Variants in AUTS2 observed in about 807,000 individuals in gnomAD.
AUTS2 encodes the protein autism susceptibility gene 2 protein.
Under a neutral mutation model 112.4 loss-of-function variants are expected in AUTS2, and 17 were observed. The ratio of observed to expected loss-of-function variants is 0.15; its 90% CI spans 0.10 to 0.23. The LOEUF is 0.23. Among genes scored for constraint, AUTS2 ranks in the 10% least tolerant of loss-of-function variants. The pLI is 1.00. For synonymous variants in AUTS2, 751 were observed against 702.7 expected, an observed-to-expected ratio of 1.07 and a Z score of -1.09; for missense variants, 1,510 against 1,701.6, an observed-to-expected ratio of 0.89 and a Z score of 1.98.
intron 1 of AUTS2, among the ~76,000 whole-genome samples, chr7:69,683,510 T>C (rs1371747048): frequency 6.6e-6 from 1 of 152,106 alleles, no homozygotes; most frequent in African/African-American, 2.4e-5. Context: ...TCTTAATAAC[T>C]CCTGTAATAC....
At chr7:69,770,483 T>G (rs1199562671) in intron 1 of AUTS2, among the ~76,000 whole-genome samples, 1 of 151,822 alleles carries the variant, frequency 6.6e-6, no homozygotes, top group Non-Finnish European at 1.5e-5. Flanking sequence ...ACCTGAGATG[T>G]GTTTTGAGGT....
intron 4 of AUTS2, among the ~76,000 whole-genome samples, chr7:70,186,613 G>T (rs562526344): frequency 1.3e-5 from 2 of 152,076 alleles, no homozygotes; most frequent in South Asian, 4.2e-4. Context: ...TCTGTCACCC[G>T]GGCTGGAGTG....
intron 6 of AUTS2, among the ~76,000 whole-genome samples, chr7:70,725,240 G>A (rs927460789): frequency 1.3e-5 from 2 of 152,230 alleles, no homozygotes; most frequent in South Asian, 2.1e-4. Flanking sequence ...GGTAAATGTC[G>A]GAAGTGAGTG....
At chr7:69,664,837 G>C (rs931978406) in intron 1 of AUTS2, among the ~76,000 whole-genome samples, 1 of 152,188 alleles carries the variant, frequency 6.6e-6, no homozygotes, top group African/African-American at 2.4e-5. Flanking sequence ...AGTAGTGTTG[G>C]TGTACCGTGT....
rs867928738 is a variant in AUTS2 at position 70,688,740 on chromosome 7, C to T, written c.691-9829C>T. On this transcript the variant is annotated intron_variant, in intron 5 of 18. Coordinates refer to ENST00000342771, the MANE Select transcript of AUTS2 (RefSeq NM_015570.4). ...TCAGGAGGCTGCTGCAAGATGACCC[C>T]GTGAGCCTAGTAGTTGGAGGCTGCA... 3.3e-5 allele frequency among the ~76,000 whole-genome samples: 5 copies of T among 152,258 alleles called. No homozygotes were observed. In the Middle Eastern group the frequency reaches 0.014, roughly 414 times the overall value.
chr7:70,691,777 G>C (rs1484496030), intron 5 of AUTS2, among the ~76,000 whole-genome samples: 1 of 152,030 alleles, frequency 6.6e-6, no homozygotes, highest in Non-Finnish European at 1.5e-5. Context: ...GGCGTTCCCA[G>C]GTTCCTCTTG....
intron 5 of AUTS2, among the ~76,000 whole-genome samples, chr7:70,646,806 G>A (rs964685804): frequency 1.3e-5 from 2 of 152,348 alleles, no homozygotes; most frequent in African/African-American, 4.8e-5. Context: ...AGGGCAGCAG[G>A]GCTGGCCCAG....
rs143155401 is a variant in AUTS2, at chr7:69,646,655, A to G, written c.309+46693A>G. On this transcript the variant is annotated intron_variant, in intron 1 of 18. Transcript: ENST00000342771. Reference sequence around the variant, plus strand: ...ACCAATGTGGGTAATTTTAGAGACAATTTCCTTAAAACTTAGTTGGACTGC... The same window carrying G: ...ACCAATGTGGGTAATTTTAGAGACAGTTTCCTTAAAACTTAGTTGGACTGC... 4.7e-4 allele frequency among the ~76,000 whole-genome samples: 71 copies of G among 152,274 alleles called. No individual in the cohort carries two copies. The East Asian group carries it at 0.012, about 25-fold the overall frequency.
intron 4 of AUTS2, among the ~76,000 whole-genome samples, chr7:70,411,019 A>G (rs1224774262): frequency 4.0e-5 from 6 of 151,840 alleles, no homozygotes; most frequent in Non-Finnish European, 7.4e-5. Context: ...ACCCACCACC[A>G]TGCCTGGCTA....
At chr7:69,741,663 C>A (rs891627022) in intron 1 of AUTS2, among the ~76,000 whole-genome samples, 18 of 151,510 alleles carry the variant, frequency 1.2e-4, no homozygotes, top group Non-Finnish European at 5.9e-5. Flanking sequence ...CATGATGGCA[C>A]CACTGTACTC....
intron 5 of AUTS2, among the ~76,000 whole-genome samples, chr7:70,593,373 C>T (rs1164150001): frequency 2.0e-5 from 3 of 152,054 alleles, no homozygotes; most frequent in Non-Finnish European, 4.4e-5. Context: ...ATTTTAAAAT[C>T]AAGGAGCTGT....
At chr7:70,052,104 A>G (rs1472052190) in intron 2 of AUTS2, among the ~76,000 whole-genome samples, 1 of 152,232 alleles carries the variant, frequency 6.6e-6, no homozygotes, top group Non-Finnish European at 1.5e-5. Flanking sequence ...AATGATGAGT[A>G]TTGTGCAGTG....
intron 6 of AUTS2, among the ~76,000 whole-genome samples, chr7:70,736,052 A>G (rs201902776): frequency 7.3e-6 from 1 of 137,084 alleles, no homozygotes; most frequent in African/African-American, 2.8e-5. Flanking sequence ...GTGTGTGTGT[A>G]TAACTATAAC....
chr7:69,627,483 C>T (rs774251508), intron 1 of AUTS2, among the ~76,000 whole-genome samples: 2 of 151,622 alleles, frequency 1.3e-5, no homozygotes, highest in African/African-American at 2.4e-5. Context: ...AAGAGTGAAA[C>T]GCCGTCTCAA....
chr7:70,102,379 A>G (rs1033073432), intron 2 of AUTS2, among the ~76,000 whole-genome samples: 3 of 151,756 alleles, frequency 2.0e-5, no homozygotes, highest in Non-Finnish European at 4.4e-5. Flanking sequence ...CAGCCTCCCA[A>G]AGAGCTGGGA....
chr7:70,011,364 C>CCTCTCCTCTCCTCTT, intron 2 of AUTS2, among the ~76,000 whole-genome samples: 1 of 145,356 alleles, frequency 6.9e-6, no homozygotes, highest in Admixed American at 6.9e-5. Context: ...CCTCTCCTCT[C>CCTCTCCTCTCCTCTT]CCTCATTTTT....
In AUTS2 at chr7:70,529,329, C is replaced by A. The variant is rs376411988; in HGVS notation, c.690+93548C>A. On this transcript the variant is annotated intron_variant, in intron 5 of 18. Transcript: ENST00000342771. ...CCTACAAAGCCCCTTCATAAATAAT[C>A]TTTGCAAAGCAATCATGTGAGCTAG... 1.4e-4 allele frequency among the ~76,000 whole-genome samples: 21 copies of A among 152,194 alleles called. No homozygotes were observed. In the East Asian group the frequency reaches 2.5e-3, roughly 18 times the overall value.
intron 1 of AUTS2, among the ~76,000 whole-genome samples, chr7:69,823,833 A>G (rs1033180242): frequency 6.6e-6 from 1 of 152,186 alleles, no homozygotes; most frequent in Non-Finnish European, 1.5e-5. Context: ...AACGTTTCAT[A>G]TGAACATTGA....
chr7:70,176,627 T>C (rs1809001735), intron 4 of AUTS2, among the ~76,000 whole-genome samples: 1 of 152,234 alleles, frequency 6.6e-6, no homozygotes, highest in South Asian at 2.1e-4. Flanking sequence ...GTAAAATCTT[T>C]GTTAATTGAG....
Sources: allele counts gnomAD v4.1 joint callset (sites outside exome capture counted in the v4.1 genomes callset), GRCh38; gene constraint gnomAD v4.1.1; transcripts MANE v1.5; gene names NCBI Gene and HGNC (gene_info 2026-07-23, HGNC 2026-07-21).